KCNT1: variants seen among roughly 807,000 people sequenced by gnomAD.
The protein encoded by KCNT1 is potassium sodium-activated channel subfamily T member 1, also known as potassium channel subfamily T member 1.
KCNT1 carries 78 observed loss-of-function variants against 147.8 expected under a neutral mutation model. The observed-to-expected ratio is 0.53, with a 90% CI of 0.44 to 0.64. The LOEUF (loss-of-function observed/expected upper bound fraction) is 0.64, where lower values mean the gene tolerates loss of function less well. Ranked by LOEUF, KCNT1 falls within the 30% of genes least tolerant of loss-of-function variation. The pLI is 0.00. For synonymous variants in KCNT1, 867 were observed against 748.8 expected (o/e 1.16, Z -2.58); for missense variants, 1,419 against 1,750.3 (o/e 0.81, Z 3.38).
At position 135,793,260 on chromosome 9, in the gene KCNT1, C is replaced by T. The variant is rs1327686696; in HGVS notation, c.*1099C>T. 5 of 152,236 alleles carry T rather than the reference C, an allele frequency of 3.3e-5. No homozygotes were observed. The highest frequency in any genetic ancestry group is 1.2e-4 in the African/African-American group (5 of 41,450). The allele number at this position is 152,236 out of a possible 1,614,324, so 9.4% of individuals were successfully genotyped here. ...CCACCCCAACCCCATAGGCAAGCCCCCATTCCCCAGCCAGGCCAGGACAGT... is the reference window on the plus strand; with the variant it reads ...CCACCCCAACCCCATAGGCAAGCCCTCATTCCCCAGCCAGGCCAGGACAGT... On this transcript the variant is annotated 3_prime_UTR_variant, in exon 31 of 31. Coordinates refer to ENST00000371757, the MANE Select transcript of KCNT1 (RefSeq NM_020822.3).
rs773573319 is a variant in KCNT1, at chr9:135,784,795, C to T, written c.3062C>T (p.Thr1021Met). Residue 1021 changes from threonine to methionine, a missense_variant, in exon 27 of 31, where the codon ACG (threonine) becomes ATG (methionine). Transcript: ENST00000371757. ...KITEGDLWIR[T>M]YGRLFQKLCS... ...ACCGAGGGCGACCTGTGGATCCGCA[C>T]GTACGGCCGCCTCTTCCAGAAGCTC... 2 of 1,612,778 alleles carry T rather than the reference C, an allele frequency of 1.2e-6. No individual in the cohort carries two copies. The highest frequency in any genetic ancestry group is 1.7e-6 in the Non-Finnish European group (2 of 1,179,968).
intron 11 of KCNT1, among the ~76,000 whole-genome samples, chr9:135,761,217 C>A (rs1173610341): frequency 1.3e-5 from 2 of 152,222 alleles, no homozygotes; most frequent in African/African-American, 4.8e-5. Flanking sequence ...AAAGATCATT[C>A]CCTCCCTCGA....
intron 29 of KCNT1, chr9:135,791,409 GCA>G: frequency 8.4e-5 from 22 of 260,568 alleles, no homozygotes; most frequent in South Asian, 2.4e-4. Flanking sequence ...GTAGATGAAG[GCA>G]TGCATGCATG....
Position 135,728,456 on chromosome 9 carries a change from C to A in KCNT1, c.254+13736C>A, listed in dbSNP as rs571818320. On this transcript the variant is annotated intron_variant, in intron 2 of 30. Coordinates refer to ENST00000371757, the MANE Select transcript of KCNT1 (RefSeq NM_020822.3). ...GGGAAGTGAGACCCCCACAGCCTCA[C>A]TGCGGATGTAACAGCCACCCACGGC... Among the ~76,000 whole-genome samples, 9 of 152,360 alleles carry A rather than the reference C, an allele frequency of 5.9e-5. No homozygotes were observed. In the South Asian group the frequency reaches 1.9e-3, roughly 32 times the overall value.
At chr9:135,765,861 G>A in intron 13 of KCNT1, 101 bp downstream of exon 13, 1 of 1,105,830 alleles carries the variant, frequency 9.0e-7, no homozygotes, top group Non-Finnish European at 1.3e-6. Flanking sequence ...TGGCCAATGA[G>A]AGCCATGAGA....
Position 135,759,733 on chromosome 9 carries a change from C to T in KCNT1, c.909C>T (p.Thr303=), listed in dbSNP as rs1831780250. 2 of 1,613,376 alleles carry T rather than the reference C, an allele frequency of 1.2e-6. No individual in the cohort carries two copies. Among genetic ancestry groups the T allele is most frequent in the Non-Finnish European group, 1.7e-6 (2 of 1,179,806 alleles). Residue 303 remains threonine, a synonymous_variant, in exon 11 of 31, where the codon ACC becomes ACT. Transcript: ENST00000371757. ...ERAGENLSLL[T]SFYFCIVTFS... is the part of the protein sequence containing the mutation. ...CGGGCGAGAACCTGTCCCTCCTGAC[C>T]TCCTTCTACTTCTGCATCGTCACCT...
At chr9:135,739,914 G>A (rs993647592) in intron 2 of KCNT1, among the ~76,000 whole-genome samples, 1 of 152,148 alleles carries the variant, frequency 6.6e-6, no homozygotes, top group East Asian at 1.9e-4. Context: ...TCTTTCAGGG[G>A]TGTTTGCTGG....
chr9:135,741,553 G>T (rs537337245), intron 2 of KCNT1, among the ~76,000 whole-genome samples: 1 of 152,202 alleles, frequency 6.6e-6, no homozygotes, highest in Non-Finnish European at 1.5e-5. Context: ...CTGGGGTTCT[G>T]CCTGCTCCGT....
intron 29 of KCNT1, among the ~76,000 whole-genome samples, chr9:135,786,791 C>T (rs978981116): frequency 1.3e-5 from 2 of 152,248 alleles, no homozygotes; most frequent in Non-Finnish European, 2.9e-5. Flanking sequence ...CCTTGGGCAT[C>T]CCTGGTGTGA....
chr9:135,744,698 G>A (rs557113734), intron 2 of KCNT1, among the ~76,000 whole-genome samples: 22 of 152,364 alleles, frequency 1.4e-4, no homozygotes, highest in African/African-American at 4.8e-4. Flanking sequence ...ATGGGCCAGC[G>A]CCGCTGACGG....
chr9:135,772,916 C>T lies in KCNT1; in HGVS notation c.2210C>T (p.Thr737Met), dbSNP rs61744696. 22,813 of 1,529,262 alleles carry T rather than the reference C, an allele frequency of 0.015. 212 individuals carry two copies. The highest frequency in any genetic ancestry group is 0.017 in the Non-Finnish European group (19,387 of 1,140,216). The allele number at this position is 1,529,262 out of a possible 1,614,324, so 94.7% of individuals were successfully genotyped here. A position where few individuals can be genotyped will look rare whatever the true frequency, so the allele number is the denominator to read the frequency against. Residue 737 changes from threonine to methionine, a missense_variant, in exon 19 of 31, where the codon ACG becomes ATG. By Grantham distance (81) the Thr-to-Met change is moderately conservative (BLOSUM62 -1). Transcript: ENST00000371757. ...AGCGACCAGTCGGAGGATGAGGTGA[C>T]GCCGTCGGACGACGAGGGGCTCTCC... ...LLSDQSEDEV[T>M]PSDDEGLSVV... is the part of the protein sequence containing the mutation.
chr9:135,782,534 C>T lies in KCNT1; in HGVS notation c.2842-1490C>T, dbSNP rs567846418. Among the ~76,000 whole-genome samples the T allele has an allele frequency of 5.9e-5, 9 of 152,340 alleles. No homozygotes were observed. In the East Asian group the frequency reaches 1.7e-3, roughly 29 times the overall value. On this transcript the variant is annotated intron_variant, in intron 24 of 30. Coordinates refer to ENST00000371757, the MANE Select transcript of KCNT1 (RefSeq NM_020822.3). ...GGGGGTCTCGTGCTCAGGAAGGGCTCATCCGCTCCTGTGTGCTCCTGTCTT... is the reference window on the plus strand; with the variant it reads ...GGGGGTCTCGTGCTCAGGAAGGGCTTATCCGCTCCTGTGTGCTCCTGTCTT...
intron 13 of KCNT1, 43 bp downstream of exon 13, chr9:135,765,803 C>T: frequency 6.5e-7 from 1 of 1,527,862 alleles, no homozygotes; most frequent in Non-Finnish European, 8.9e-7. Context: ...GGGCACCTTC[C>T]TGAGTCAGGT....
intron 1 of KCNT1, among the ~76,000 whole-genome samples, chr9:135,707,441 C>T (rs925349543): frequency 6.6e-6 from 1 of 152,204 alleles, no homozygotes; most frequent in Non-Finnish European, 1.5e-5. Context: ...CTCGAGGGTA[C>T]TGACAGCTGA....
At position 135,714,742 on chromosome 9, in the gene KCNT1, G is replaced by GCGA; in HGVS notation, c.254+22_254+23insCGA. ...ACAGGTAGGGACCGGGCGCGGGGTG[G>GCGA]GGGCTGGGGTCGCCGTCCCGGCGCC... On this transcript the variant is annotated intron_variant, in intron 2 of 30. Coordinates refer to ENST00000371757, the MANE Select transcript of KCNT1 (RefSeq NM_020822.3). This position sits in a 1 kb window ranked among gnomAD's most constrained non-coding sequence, Gnocchi z 6.2. 9.3e-7 allele frequency: 1 copy of GCGA among 1,076,096 alleles called. No individual in the cohort carries two copies. The highest frequency in any genetic ancestry group is 2.4e-5 in the South Asian group (1 of 42,284). The allele number at this position is 1,076,096 out of a possible 1,614,324, so 66.7% of individuals were successfully genotyped here. A position where few individuals can be genotyped will look rare whatever the true frequency, so the allele number is the denominator to read the frequency against.
At chr9:135,782,288 A>G (rs7023030) in intron 24 of KCNT1, among the ~76,000 whole-genome samples, 21,203 of 152,210 alleles carry the variant, frequency 0.14, 1,629 homozygotes, top group South Asian at 0.18. Flanking sequence ...GGCTGGCTCC[A>G]GAAGGCTCTC....
At chr9:135,753,011 TGGAG>T (rs1275927365) in intron 4 of KCNT1, among the ~76,000 whole-genome samples, 45 of 144,686 alleles carry the variant, frequency 3.1e-4, no homozygotes, top group African/African-American at 1.1e-3. Context: ...GATGGATGGA[TGGAG>T]GGATGGATGG....
rs1346425203 is a variant in KCNT1, at chr9:135,714,873, G to A, written c.254+153G>A. On this transcript the variant is annotated intron_variant, in intron 2 of 30. Coordinates refer to ENST00000371757, the MANE Select transcript of KCNT1 (RefSeq NM_020822.3). This position sits in a 1 kb window ranked among gnomAD's most constrained non-coding sequence, Gnocchi z 6.2. ...CGGCTTCTGGGGACGCAGAAGTTTC[G>A]GAGGGGGTGCGGGCAGGGGGAAGCA... 6.6e-6 allele frequency among the ~76,000 whole-genome samples: 1 copy of A among 152,162 alleles called. No individual in the cohort carries two copies. Among genetic ancestry groups the A allele is most frequent in the East Asian group, 1.9e-4 (1 of 5,186 alleles).
rs555783527 is a variant in KCNT1 at position 135,793,912 on chromosome 9, C to G, written c.*1751C>G. On this transcript the variant is annotated 3_prime_UTR_variant, in exon 31 of 31. Transcript: ENST00000371757. ...AGCAGGGCTGGGGTCTATCACGTTC[C>G]TGGGATCCAAGCAGCGAGCACGCCC... 10 of 152,508 alleles carry G rather than the reference C, an allele frequency of 6.6e-5. No homozygotes were observed. Among genetic ancestry groups the G allele is most frequent in the African/African-American group, 2.2e-4 (9 of 41,532 alleles). The allele number at this position is 152,508 out of a possible 1,614,324, so 9.4% of individuals were successfully genotyped here.
Sources: allele counts gnomAD v4.1 joint callset (sites outside exome capture counted in the v4.1 genomes callset), GRCh38; gene constraint gnomAD v4.1.1; non-coding constraint Gnocchi (gnomAD v3.1); transcripts MANE v1.5; gene names NCBI Gene and HGNC (gene_info 2026-07-23, HGNC 2026-07-21).